The following FLVCR2 variants were observed in gnomAD, a reference collection of about 807,000 sequenced individuals.
FLVCR2 encodes the protein choline/ethanolamine transporter FLVCR2.
A neutral mutation model predicts 48.9 loss-of-function variants in FLVCR2; 38 were observed. The observed-to-expected ratio is 0.78, with a 90% CI of 0.60 to 1.02. The LOEUF (loss-of-function observed/expected upper bound fraction) is 1.02. FLVCR2 is among the 50% of genes least tolerant of loss of function. The probability of loss-of-function intolerance (pLI) is 0.00; values close to 1 mark genes in which losing one functional copy is unlikely to be tolerated. For missense variants in FLVCR2, 664 were observed against 663.3 expected, an observed-to-expected ratio of 1.00 and a Z score of -0.01; for synonymous variants, 255 against 257.0, an observed-to-expected ratio of 0.99 and a Z score of 0.07.
intron 5 of FLVCR2, among the ~76,000 whole-genome samples, chr14:75,637,657 A>T (rs1490122405): frequency 6.7e-6 from 1 of 148,728 alleles, no homozygotes; most frequent in Non-Finnish European, 1.5e-5. Flanking sequence ...TGAACCTGGG[A>T]GGCGGAGCTT....
chr14:75,625,172 T>A (rs1889866890), intron 3 of FLVCR2, among the ~76,000 whole-genome samples: 1 of 152,214 alleles, frequency 6.6e-6, no homozygotes, highest in Non-Finnish European at 1.5e-5. Flanking sequence ...CTCAGCAGTG[T>A]CGGGCCTCGA....
At chr14:75,640,929 C>T (rs1890294670) in intron 6 of FLVCR2, 26 bp from the exon 7 acceptor site, 1 of 1,527,602 alleles carries the variant, frequency 6.5e-7, no homozygotes, top group Non-Finnish European at 9.1e-7. Flanking sequence ...TTCTTCATCC[C>T]CTTGTTTCTC....
In FLVCR2 at chr14:75,579,043, A is replaced by T. The variant is rs1888525251; in HGVS notation, c.71A>T (p.Asp24Val). 6.2e-7 allele frequency: 1 copy of T among 1,612,994 alleles called. No individual in the cohort carries two copies. Among genetic ancestry groups the T allele is most frequent in the Admixed American group, 1.7e-5 (1 of 59,960 alleles). Residue 24 changes from aspartate (D) to valine (V), a missense_variant, in exon 1 of 10, where the codon GAC becomes GTC. Asp to Val is a radical substitution (Grantham distance 152). Transcript: ENST00000238667. The part of the protein sequence containing the change: ...TPVPESALQA[D>V]PSVSVHPSVS... ...GTGCCGGAGTCCGCACTCCAAGCGG[A>T]CCCCAGCGTCTCGGTCCATCCCAGC...
chr14:75,585,380 T>A (rs138655175), intron 1 of FLVCR2, among the ~76,000 whole-genome samples: 3 of 152,294 alleles, frequency 2.0e-5, no homozygotes, highest in African/African-American at 7.2e-5. Flanking sequence ...CAAGTTTGTA[T>A]TGGGGCCAAG....
chr14:75,622,819 T>C (rs1027312080), intron 2 of FLVCR2, among the ~76,000 whole-genome samples: 1 of 151,992 alleles, frequency 6.6e-6, no homozygotes, highest in African/African-American at 2.4e-5. Flanking sequence ...AGTTCTTTAA[T>C]GCCTTTTAAA....
chr14:75,615,202 G>C (rs758469961), intron 1 of FLVCR2, among the ~76,000 whole-genome samples: 9 of 152,186 alleles, frequency 5.9e-5, no homozygotes, highest in Non-Finnish European at 1.2e-4. Context: ...AGTTGCCTGG[G>C]AGAAAGGCAG....
intron 9 of FLVCR2, 117 bp downstream of exon 9, chr14:75,642,015 G>C: frequency 3.3e-6 from 3 of 915,932 alleles, no homozygotes; most frequent in Non-Finnish European, 5.5e-6. Context: ...TCATAGCTGG[G>C]AGACCAGTTC....
At chr14:75,616,825 C>A (rs1476294943) in intron 1 of FLVCR2, among the ~76,000 whole-genome samples, 1 of 152,204 alleles carries the variant, frequency 6.6e-6, no homozygotes, top group Non-Finnish European at 1.5e-5. Flanking sequence ...AGAGGATAAG[C>A]TGCCTGGGAC....
At chr14:75,609,463 T>C (rs1356595485) in intron 1 of FLVCR2, among the ~76,000 whole-genome samples, 1 of 152,230 alleles carries the variant, frequency 6.6e-6, no homozygotes, top group African/African-American at 2.4e-5. Context: ...GAGTGACTAA[T>C]AGTTTTTTTG....
intron 1 of FLVCR2, among the ~76,000 whole-genome samples, chr14:75,590,826 T>G (rs539479001): frequency 6.6e-6 from 1 of 152,332 alleles, no homozygotes; most frequent in East Asian, 1.9e-4. Context: ...CCTGCAGAAC[T>G]GGGAGCAAAT....
At position 75,622,153 on chromosome 14, in the gene FLVCR2, C is replaced by G; in HGVS notation, c.744C>G (p.Tyr248Ter). The G allele has an allele frequency of 6.2e-7, 1 of 1,613,904 alleles. No homozygotes were observed. Among genetic ancestry groups the G allele is most frequent in the Non-Finnish European group, 8.5e-7 (1 of 1,179,834 alleles). ...TTGAAGACCGGGACGAGCTTGCCTACCACATCAGCATCATGTTCTATATAA... is the reference window on the plus strand; with the variant it reads ...TTGAAGACCGGGACGAGCTTGCCTAGCACATCAGCATCATGTTCTATATAA... Reference protein sequence around the residue: ...PNIEDRDELAYHISIMFYIIG... With the variant: ...PNIEDRDELA Residue 248 changes from tyrosine (Y) to a stop codon, truncating the protein, a stop_gained, in exon 2 of 10, where the codon TAC (tyrosine) becomes TAG (stop). Coordinates refer to ENST00000238667, the MANE Select transcript of FLVCR2 (RefSeq NM_017791.3). LOFTEE classifies it high-confidence loss of function.
At position 75,579,502 on chromosome 14, in the gene FLVCR2, T is replaced by C; in HGVS notation, c.530T>C (p.Phe177Ser). Residue 177 changes from phenylalanine to serine, a missense_variant, in exon 1 of 10, where the codon TTT becomes TCT. By Grantham distance (155) the Phe-to-Ser change is radical. Coordinates refer to ENST00000238667, the MANE Select transcript of FLVCR2 (RefSeq NM_017791.3). ...CTGGGCAGCCTGAAGCCGCATCTCT[T>C]TCCGGTCACCGTGGTGGGCCAGCTC... is the stretch of plus-strand genomic sequence containing the variant. ...VKLGSLKPHL[F>S]PVTVVGQLIC... 2 of 1,612,964 alleles carry C rather than the reference T, an allele frequency of 1.2e-6. No homozygotes were observed. Among genetic ancestry groups the C allele is most frequent in the Non-Finnish European group, 1.7e-6 (2 of 1,179,094 alleles).
At chr14:75,635,187 C>A (rs1328087919) in intron 5 of FLVCR2, among the ~76,000 whole-genome samples, 174 bp downstream of exon 5, 1 of 152,144 alleles carries the variant, frequency 6.6e-6, no homozygotes, top group Non-Finnish European at 1.5e-5. Context: ...GGAAGCTATA[C>A]CCGTCTTAAG....
At chr14:75,645,735 T>C (rs1594819198) in intron 9 of FLVCR2, among the ~76,000 whole-genome samples, 1 of 152,040 alleles carries the variant, frequency 6.6e-6, no homozygotes, top group East Asian at 1.9e-4. Flanking sequence ...CTGGCCAACA[T>C]GGTGAAAACC....
chr14:75,592,265 C>CA (rs1888904118), intron 1 of FLVCR2, among the ~76,000 whole-genome samples: 1 of 152,018 alleles, frequency 6.6e-6, no homozygotes, highest in South Asian at 2.1e-4. Context: ...TTGCACTCTC[C>CA]AGAGCAGTGG....
intron 5 of FLVCR2, among the ~76,000 whole-genome samples, chr14:75,637,647 T>C (rs565124363): frequency 6.8e-6 from 1 of 147,486 alleles, no homozygotes; most frequent in African/African-American, 2.5e-5. Context: ...AGGAGAATGG[T>C]GAACCTGGGA....
At chr14:75,589,592 A>G (rs1888834021) in intron 1 of FLVCR2, among the ~76,000 whole-genome samples, 1 of 152,056 alleles carries the variant, frequency 6.6e-6, no homozygotes. Context: ...GGTCTTGGTG[A>G]TAGCCACACT....
intron 9 of FLVCR2, 67 bp from the exon 10 acceptor site, chr14:75,646,334 G>A: frequency 9.0e-7 from 1 of 1,113,110 alleles, no homozygotes; most frequent in Non-Finnish European, 1.4e-6. Context: ...TGGCCAGGCA[G>A]CTGCTCCAGC....
intron 3 of FLVCR2, among the ~76,000 whole-genome samples, chr14:75,625,328 C>G (rs577104758): frequency 6.6e-6 from 1 of 151,932 alleles, no homozygotes; most frequent in South Asian, 2.1e-4. Flanking sequence ...CAACATCCCT[C>G]TTTCATTTCA....
Sources: allele counts gnomAD v4.1 joint callset (sites outside exome capture counted in the v4.1 genomes callset), GRCh38; gene constraint gnomAD v4.1.1; transcripts MANE v1.5; gene names NCBI Gene and HGNC (gene_info 2026-07-23, HGNC 2026-07-21).